CAMKMT: variants seen among roughly 807,000 people sequenced by gnomAD.
The protein encoded by CAMKMT is CaM KMT.
In CAMKMT, 53 loss-of-function variants were observed where a neutral mutation model predicts 48.0. The observed-to-expected ratio is 1.10, with a 90% CI of 0.89 to 1.39. CAMKMT has a LOEUF of 1.39. CAMKMT is among the 40% of genes most tolerant of loss of function. The pLI is 0.00. For missense variants in CAMKMT, 428 were observed against 402.7 expected (o/e 1.06, Z -0.54); for synonymous variants, 165 against 152.3 (o/e 1.08, Z -0.61).
At chr2:44,494,186 C>A (rs945912937) in intron 3 of CAMKMT, among the ~76,000 whole-genome samples, 1 of 152,168 alleles carries the variant, frequency 6.6e-6, no homozygotes, top group African/African-American at 2.4e-5. Flanking sequence ...CATACAGAAA[C>A]CCTCGCTCAA....
intron 3 of CAMKMT, among the ~76,000 whole-genome samples, chr2:44,429,095 G>A (rs1684469583): frequency 6.6e-6 from 1 of 152,026 alleles, no homozygotes. Flanking sequence ...CTTCTTACAG[G>A]GCTCCTTGAG....
intron 3 of CAMKMT, among the ~76,000 whole-genome samples, chr2:44,585,112 G>C (rs1023574082): frequency 1.3e-5 from 2 of 151,916 alleles, no homozygotes; most frequent in Admixed American, 1.3e-4. Flanking sequence ...TTAGTGCCCA[G>C]CTTTTTAAAA....
chr2:44,489,913 C>T (rs896487689), intron 3 of CAMKMT, among the ~76,000 whole-genome samples: 10 of 151,964 alleles, frequency 6.6e-5, no homozygotes, highest in Non-Finnish European at 1.5e-4. Context: ...ACTTGAAGCC[C>T]AAACCTCAGT....
chr2:44,404,384 G>A (rs1396415677), intron 3 of CAMKMT, among the ~76,000 whole-genome samples: 1 of 151,864 alleles, frequency 6.6e-6, no homozygotes, highest in African/African-American at 2.4e-5. Flanking sequence ...TCTTTAGTAG[G>A]GGTGTTACTC....
chr2:44,718,142 G>C (rs953567531), intron 7 of CAMKMT, among the ~76,000 whole-genome samples: 3 of 152,174 alleles, frequency 2.0e-5, no homozygotes, highest in Admixed American at 6.5e-5. Context: ...AAGAGGCTCT[G>C]ACGCTGAACC....
At chr2:44,656,084 T>G (rs563852750) in intron 3 of CAMKMT, among the ~76,000 whole-genome samples, 4 of 152,326 alleles carry the variant, frequency 2.6e-5, no homozygotes, top group South Asian at 4.1e-4. Flanking sequence ...AAAGAGATTA[T>G]AGCACTATGA....
At chr2:44,512,601 A>G (rs1670623918) in intron 3 of CAMKMT, among the ~76,000 whole-genome samples, 1 of 152,100 alleles carries the variant, frequency 6.6e-6, no homozygotes, top group Non-Finnish European at 1.5e-5. Flanking sequence ...TGCTTTCTCA[A>G]TTCCTGTATG....
At chr2:44,694,847 C>G (rs1261900466) in intron 3 of CAMKMT, among the ~76,000 whole-genome samples, 1 of 152,226 alleles carries the variant, frequency 6.6e-6, no homozygotes, top group East Asian at 1.9e-4. Flanking sequence ...TCTTCCTTTT[C>G]CAGACAGAAC....
At chr2:44,655,246 A>G (rs375639944) in intron 3 of CAMKMT, among the ~76,000 whole-genome samples, 13 of 152,298 alleles carry the variant, frequency 8.5e-5, no homozygotes, top group African/African-American at 2.2e-4. Context: ...TATTAATACA[A>G]TTGTATTTGA....
At chr2:44,718,592 G>A (rs2104311407) in intron 7 of CAMKMT, among the ~76,000 whole-genome samples, 1 of 152,326 alleles carries the variant, frequency 6.6e-6, no homozygotes, top group South Asian at 2.1e-4. Context: ...ATCTAAAGCT[G>A]TCTTCAAAAT....
intron 3 of CAMKMT, among the ~76,000 whole-genome samples, chr2:44,444,268 A>G (rs2104571226): frequency 6.6e-6 from 1 of 152,310 alleles, no homozygotes; most frequent in East Asian, 1.9e-4. Flanking sequence ...TTTTGAGGCG[A>G]CAGAAATGAA....
intron 3 of CAMKMT, among the ~76,000 whole-genome samples, chr2:44,418,109 T>A (rs944637094): frequency 6.6e-6 from 1 of 151,692 alleles, no homozygotes; most frequent in African/African-American, 2.4e-5. Context: ...GGAGAATCGA[T>A]TGAACCTGGG....
At chr2:44,461,255 T>G (rs1667835113) in intron 3 of CAMKMT, among the ~76,000 whole-genome samples, 1 of 152,198 alleles carries the variant, frequency 6.6e-6, no homozygotes, top group Admixed American at 6.5e-5. Context: ...GTGAAAACCC[T>G]AATAAAAGTC....
Position 44,370,041 on chromosome 2 carries a change from G to A in CAMKMT, c.139-2675G>A, listed in dbSNP as rs569995903. ...GAAGCTGGAATGGATAGGTGATGCCGGTTTATCATATTCTCTACAAGCAGA... is the reference window on the plus strand; with the variant it reads ...GAAGCTGGAATGGATAGGTGATGCCAGTTTATCATATTCTCTACAAGCAGA... On this transcript the variant is annotated intron_variant, in intron 1 of 10. Coordinates refer to ENST00000378494, the MANE Select transcript of CAMKMT (RefSeq NM_024766.5). The A allele has an allele frequency of 1.2e-4, 19 of 152,164 alleles. No individual in the cohort carries two copies. In the South Asian group the frequency reaches 3.1e-3, roughly 25 times the overall value. 9.4% of individuals were successfully genotyped at this position (152,164 alleles called of 1,614,324 possible). A position where few individuals can be genotyped will look rare whatever the true frequency, so the allele number is the denominator to read the frequency against.
intron 2 of CAMKMT, among the ~76,000 whole-genome samples, chr2:44,382,192 G>A (rs947397287): frequency 2.6e-5 from 4 of 151,842 alleles, no homozygotes; most frequent in Non-Finnish European, 4.4e-5. Flanking sequence ...TTCTACCTGC[G>A]TCAACCTCCT....
chr2:44,445,491 G>A (rs1666926162), intron 3 of CAMKMT, among the ~76,000 whole-genome samples: 1 of 151,714 alleles, frequency 6.6e-6, no homozygotes, highest in Non-Finnish European at 1.5e-5. Flanking sequence ...CTCCTCCTTG[G>A]TTCTCTCTTC....
At chr2:44,601,170 T>G (rs947376698) in intron 3 of CAMKMT, among the ~76,000 whole-genome samples, 4 of 152,114 alleles carry the variant, frequency 2.6e-5, no homozygotes, top group African/African-American at 9.7e-5. Flanking sequence ...ATTACTCTTT[T>G]AGAAAAAGTC....
At chr2:44,441,938 C>G (rs1666690036) in intron 3 of CAMKMT, among the ~76,000 whole-genome samples, 1 of 152,090 alleles carries the variant, frequency 6.6e-6, no homozygotes, top group Non-Finnish European at 1.5e-5. Flanking sequence ...CATTTTCTTT[C>G]AGCACCTGCG....
chr2:44,647,683 A>T (rs773716839), intron 3 of CAMKMT, among the ~76,000 whole-genome samples: 3 of 152,024 alleles, frequency 2.0e-5, no homozygotes, highest in Non-Finnish European at 4.4e-5. Context: ...AGGCGGGTGG[A>T]TCACGAGGTC....
Sources: gnomAD v4.1 joint callset for allele counts (sites outside exome capture counted in the v4.1 genomes callset) on GRCh38, gnomAD v4.1.1 for gene constraint, MANE v1.5 for transcripts, NCBI Gene and HGNC (gene_info 2026-07-23, HGNC 2026-07-21) for gene names.